STK32B: variants seen among roughly 807,000 people sequenced by gnomAD.
STK32B encodes serine/threonine kinase 32B, also known as serine/threonine-protein kinase 32B.
A neutral mutation model predicts 52.6 loss-of-function variants in STK32B; 43 were observed. The ratio of observed to expected loss-of-function variants is 0.82; its 90% confidence interval spans 0.64 to 1.05. The LOEUF (loss-of-function observed/expected upper bound fraction) is 1.05, where lower values mean the gene tolerates loss of function less well. Among genes scored for constraint, STK32B ranks in the 50% least tolerant of loss-of-function variants. The probability of loss-of-function intolerance (pLI) is 0.00; values close to 1 mark genes in which losing one functional copy is unlikely to be tolerated. For synonymous variants in STK32B, 238 were observed against 204.3 expected (o/e 1.17, Z -1.41); for missense variants, 621 against 534.6 (o/e 1.16, Z -1.59).
At chr4:5,424,607 C>G (rs944212491) in intron 6 of STK32B, among the ~76,000 whole-genome samples, 1 of 152,180 alleles carries the variant, frequency 6.6e-6, no homozygotes, top group African/African-American at 2.4e-5. Flanking sequence ...ACAATCTGCC[C>G]GTGGAAAGGA....
chr4:5,466,463 T>C (rs1428039388), intron 9 of STK32B, among the ~76,000 whole-genome samples: 3 of 152,114 alleles, frequency 2.0e-5, no homozygotes, highest in Non-Finnish European at 1.5e-5. Context: ...CCTAAGGAAA[T>C]ACCTGGATGT....
At chr4:5,229,413 A>C (rs11728257) in intron 3 of STK32B, among the ~76,000 whole-genome samples, 1 of 152,136 alleles carries the variant, frequency 6.6e-6, no homozygotes, top group East Asian at 1.9e-4. Context: ...TACAAATTCA[A>C]TGAGATAAAT....
intron 4 of STK32B, among the ~76,000 whole-genome samples, chr4:5,349,348 C>T (rs1733678830): frequency 6.6e-6 from 1 of 152,116 alleles, no homozygotes; most frequent in South Asian, 2.1e-4. Flanking sequence ...CATACTAAGC[C>T]ACCAAGGAAA....
chr4:5,224,692 CTAA>C (rs1723752710), intron 3 of STK32B, among the ~76,000 whole-genome samples: 2 of 152,032 alleles, frequency 1.3e-5, no homozygotes, highest in African/African-American at 4.8e-5. Flanking sequence ...GGGAATATCA[CTAA>C]TGTTAATTAA....
chr4:5,059,510 T>C (rs991927812), intron 1 of STK32B, among the ~76,000 whole-genome samples: 14 of 152,228 alleles, frequency 9.2e-5, no homozygotes, highest in Non-Finnish European at 1.9e-4. Context: ...AGAATTATAC[T>C]GATTGATTTT....
chr4:5,206,504 T>G (rs796462492), intron 3 of STK32B, among the ~76,000 whole-genome samples: 10 of 152,260 alleles, frequency 6.6e-5, no homozygotes, highest in African/African-American at 2.4e-4. Flanking sequence ...GACAGAGGCG[T>G]GACTTCTTCC....
At chr4:5,197,047 A>G (rs1350589000) in intron 3 of STK32B, among the ~76,000 whole-genome samples, 3 of 152,162 alleles carry the variant, frequency 2.0e-5, no homozygotes, top group African/African-American at 7.2e-5. Flanking sequence ...AATGGTCTTC[A>G]CCTTCAGGTC....
intron 3 of STK32B, among the ~76,000 whole-genome samples, chr4:5,295,323 G>C (rs1266176097): frequency 2.0e-5 from 3 of 152,048 alleles, no homozygotes; most frequent in Admixed American, 2.0e-4. Flanking sequence ...TTTTTTGATT[G>C]TTTGGCATAG....
intron 4 of STK32B, among the ~76,000 whole-genome samples, chr4:5,355,858 A>G (rs1313685158): frequency 1.3e-5 from 2 of 152,210 alleles, no homozygotes; most frequent in African/African-American, 4.8e-5. Context: ...AGAAACCTCA[A>G]GCACCACTTT....
At chr4:5,356,563 C>A (rs142704421) in intron 4 of STK32B, among the ~76,000 whole-genome samples, 1 of 152,250 alleles carries the variant, frequency 6.6e-6, no homozygotes, top group African/African-American at 2.4e-5. Context: ...TTATGCGCTA[C>A]ATTCACCCCT....
intron 3 of STK32B, among the ~76,000 whole-genome samples, chr4:5,191,539 C>T (rs1286522518): frequency 6.6e-6 from 1 of 152,094 alleles, no homozygotes; most frequent in Non-Finnish European, 1.5e-5. Flanking sequence ...CAGGTGTGAG[C>T]CACCGCGCCT....
intron 5 of STK32B, among the ~76,000 whole-genome samples, chr4:5,401,298 T>C (rs946022377): frequency 6.6e-6 from 1 of 152,162 alleles, no homozygotes; most frequent in African/African-American, 2.4e-5. Flanking sequence ...GACAAAACCT[T>C]TTACAAACCA....
chr4:5,475,896 G>T (rs1305064638), intron 11 of STK32B, among the ~76,000 whole-genome samples: 3 of 151,522 alleles, frequency 2.0e-5, no homozygotes, highest in Admixed American at 6.6e-5. Context: ...CTTTTTGTTT[G>T]TTTTTTTAAA....
intron 3 of STK32B, among the ~76,000 whole-genome samples, chr4:5,281,652 T>C (rs1247484470): frequency 2.6e-5 from 4 of 152,192 alleles, no homozygotes; most frequent in Admixed American, 6.5e-5. Flanking sequence ...AATACCATGA[T>C]GTAAATTTTA....
intron 3 of STK32B, among the ~76,000 whole-genome samples, chr4:5,303,012 A>G (rs1729668955): frequency 6.6e-6 from 1 of 151,396 alleles, no homozygotes; most frequent in Admixed American, 6.6e-5. Context: ...GTGTGTATAT[A>G]TATGTATATG....
At position 5,079,315 on chromosome 4, in the gene STK32B, A is replaced by T. The variant is rs560742700; in HGVS notation, c.52+27400A>T. ...CTGCACTTTTTGCTGTTTTCTTAGA[A>T]TAAATTTATTGAAGGAAAATATACA... On this transcript the variant is annotated intron_variant, in intron 1 of 11. Transcript: ENST00000282908. Among the ~76,000 whole-genome samples, 40 of 152,272 alleles carry T rather than the reference A, an allele frequency of 2.6e-4. 2 individuals are homozygous for T. In the South Asian group the frequency reaches 7.9e-3, roughly 30 times the overall value.
intron 11 of STK32B, among the ~76,000 whole-genome samples, chr4:5,497,437 T>C (rs1720373777): frequency 6.6e-6 from 1 of 152,214 alleles, no homozygotes; most frequent in African/African-American, 2.4e-5. Flanking sequence ...GAAGGGAGCC[T>C]CCCAGCTCTG....
chr4:5,213,219 T>C (rs1458444213), intron 3 of STK32B, among the ~76,000 whole-genome samples: 1 of 152,194 alleles, frequency 6.6e-6, no homozygotes, highest in Admixed American at 6.5e-5. Flanking sequence ...CTGTTGGCCC[T>C]GACAGCTTCT....
chr4:5,042,541 C>T, the STK32B span, among the ~76,000 whole-genome samples: 4 of 152,112 alleles, frequency 2.6e-5, no homozygotes, highest in Admixed American at 6.6e-5. Context: ...TTCTTCCAGA[C>T]CGTGTCAGTG....
Sources: allele counts gnomAD v4.1 joint callset (sites outside exome capture counted in the v4.1 genomes callset), GRCh38; gene constraint gnomAD v4.1.1; transcripts MANE v1.5; gene names NCBI Gene and HGNC (gene_info 2026-07-23, HGNC 2026-07-21).